Variants in PMP2 observed in about 807,000 individuals in gnomAD.
PMP2 encodes myelin P2 protein.
A neutral mutation model predicts 15.9 loss-of-function variants in PMP2; 11 were observed. That is an observed-to-expected ratio of 0.69 (90% CI 0.44 to 1.14). The LOEUF is 1.14. Among genes scored for constraint, PMP2 ranks in the 50% most tolerant of loss-of-function variants. The pLI is 0.00. For synonymous variants in PMP2, 55 were observed against 54.1 expected, an observed-to-expected ratio of 1.02 and a Z score of -0.07; for missense variants, 151 against 154.0, an observed-to-expected ratio of 0.98 and a Z score of 0.10.
intron 3 of PMP2, among the ~76,000 whole-genome samples, chr8:81,444,116 T>A (rs1807402435): frequency 6.6e-6 from 1 of 152,244 alleles, no homozygotes; most frequent in African/African-American, 2.4e-5. Flanking sequence ...TTGTGGGATA[T>A]CTGCAAATAG....
Position 81,444,802 on chromosome 8 carries a change from A to G in PMP2, c.246+15T>C. On this transcript the variant is annotated intron_variant, in intron 2 of 3. Coordinates refer to ENST00000256103, the MANE Select transcript of PMP2 (RefSeq NM_002677.5). ...GCCCACTGGGCCAACTTTGAAGAGA[A>G]ACATTAAAGATTACCTTGGTCTTTC... 1 of 1,610,834 alleles carries G rather than the reference A, an allele frequency of 6.2e-7. No homozygotes were observed.
intron 1 of PMP2, among the ~76,000 whole-genome samples, chr8:81,445,983 A>T (rs1395597553): frequency 6.6e-6 from 1 of 151,646 alleles, no homozygotes; most frequent in Non-Finnish European, 1.5e-5. Flanking sequence ...ACTATAAAAT[A>T]TATGGAAAAG....
At position 81,444,655 on chromosome 8, in the gene PMP2, G is replaced by A. The variant is rs1352313476; in HGVS notation, c.247-54C>T. On this transcript the variant is annotated intron_variant, in intron 2 of 3. Coordinates refer to ENST00000256103, the MANE Select transcript of PMP2 (RefSeq NM_002677.5). ...TGCCTGAAATTTGTTGATCAAAGAA[G>A]CAGTTCTTTCAGTATGGAACCATTT... 22 of 1,496,644 alleles carry A rather than the reference G, an allele frequency of 1.5e-5. No homozygotes were observed. In the East Asian group the frequency reaches 4.7e-4, roughly 32 times the overall value. 92.7% of individuals were successfully genotyped at this position (1,496,644 alleles called of 1,614,324 possible). A position where few individuals can be genotyped will look rare whatever the true frequency, so the allele number is the denominator to read the frequency against.
At chr8:81,444,301 T>C (rs190878947) in intron 3 of PMP2, among the ~76,000 whole-genome samples, 199 bp downstream of exon 3, 18 of 152,358 alleles carry the variant, frequency 1.2e-4, no homozygotes, top group Admixed American at 1.0e-3. Context: ...CAAATGGCTT[T>C]TTTTATTTCT....
chr8:81,443,507 T>C lies in PMP2; in HGVS notation c.349-59A>G. The C allele has an allele frequency of 1.0e-5, 11 of 1,076,094 alleles. No homozygotes were observed. The South Asian group carries it at 1.7e-4, about 16-fold the overall frequency. 66.7% of individuals were successfully genotyped at this position (1,076,094 alleles called of 1,614,324 possible). A position where few individuals can be genotyped will look rare whatever the true frequency, so the allele number is the denominator to read the frequency against. On this transcript the variant is annotated intron_variant, in intron 3 of 3. Transcript: ENST00000256103. The stretch of plus-strand genomic sequence containing the variant: ...AGTTCAAACCAGAGAACAGAAAATT[T>C]GTAATAAAAATAGAAATTCAAAATA...
At chr8:81,446,159 T>G (rs1007706749) in intron 1 of PMP2, among the ~76,000 whole-genome samples, 12 of 152,246 alleles carry the variant, frequency 7.9e-5, no homozygotes, top group Admixed American at 2.6e-4. Context: ...CTTCAAATTC[T>G]GATTAATCTT....
chr8:81,441,615 C>T lies in PMP2; in HGVS notation c.*1783G>A, dbSNP rs926810685. 1 of 151,930 alleles carries T rather than the reference C, an allele frequency of 6.6e-6. No homozygotes were observed. Among genetic ancestry groups the T allele is most frequent in the Non-Finnish European group, 1.5e-5 (1 of 67,948 alleles). The allele number at this position is 151,930 out of a possible 1,614,324, so 9.4% of individuals were successfully genotyped here. ...ATCTACCTATCTATCGATTATCTAT[C>T]ATTATATCAGTATGGATTCATGGAT... On this transcript the variant is annotated 3_prime_UTR_variant, in exon 4 of 4. Transcript: ENST00000256103.
chr8:81,445,472 C>A (rs1807432947), intron 1 of PMP2, among the ~76,000 whole-genome samples: 2 of 152,162 alleles, frequency 1.3e-5, no homozygotes, highest in South Asian at 4.1e-4. Context: ...ATCTGCCCTC[C>A]TCGGCCTTCC....
In PMP2 at chr8:81,445,518, C is replaced by T. The variant is rs192014510; in HGVS notation, c.74-529G>A. On this transcript the variant is annotated intron_variant, in intron 1 of 3. Coordinates refer to ENST00000256103, the MANE Select transcript of PMP2 (RefSeq NM_002677.5). ...GATTACAGGCGTGAGCCACCGCGCCCGGCCAATGTCTGCAGATTTTCAAGA... is the reference window on the plus strand; with the variant it reads ...GATTACAGGCGTGAGCCACCGCGCCTGGCCAATGTCTGCAGATTTTCAAGA... Among the ~76,000 whole-genome samples the T allele has an allele frequency of 6.1e-4, 93 of 152,224 alleles. 2 individuals carry two copies. Among genetic ancestry groups the T allele is most frequent in the African/African-American group, 8.2e-4 (34 of 41,546 alleles).
chr8:81,443,533 A>G, intron 3 of PMP2, 85 bp from the exon 4 acceptor site: 1 of 781,404 alleles, frequency 1.3e-6, no homozygotes, highest in Non-Finnish European at 2.1e-6. Flanking sequence ...ATTCAAAATA[A>G]ACTCATAAGA....
chr8:81,441,292 G>A lies in PMP2; in HGVS notation c.*2106C>T, dbSNP rs992721371. On this transcript the variant is annotated 3_prime_UTR_variant, in exon 4 of 4. Coordinates refer to ENST00000256103, the MANE Select transcript of PMP2 (RefSeq NM_002677.5). Reference sequence around the variant, plus strand: ...TTGCATGGTTACTATTCTTTCCCCAGAAACTAACAACAATCTGTGAGGAGA... The same window carrying A: ...TTGCATGGTTACTATTCTTTCCCCAAAAACTAACAACAATCTGTGAGGAGA... 2.0e-5 allele frequency: 3 copies of A among 151,944 alleles called. No homozygotes were observed. The highest frequency in any genetic ancestry group is 2.9e-5 in the Non-Finnish European group (2 of 67,960). The allele number at this position is 151,944 out of a possible 1,614,324, so 9.4% of individuals were successfully genotyped here.
intron 3 of PMP2, among the ~76,000 whole-genome samples, chr8:81,443,901 G>T (rs1807398744): frequency 1.3e-5 from 2 of 151,922 alleles, no homozygotes; most frequent in East Asian, 3.9e-4. Flanking sequence ...AGAAACATTC[G>T]GAAGAGTACA....
At chr8:81,443,959 C>G (rs1807399723) in intron 3 of PMP2, among the ~76,000 whole-genome samples, 2 of 151,682 alleles carry the variant, frequency 1.3e-5, no homozygotes, top group South Asian at 4.2e-4. Flanking sequence ...AACATAAAGC[C>G]TTAACCCTAA....
At position 81,440,744 on chromosome 8, in the gene PMP2, G is replaced by C. The variant is rs1031133192; in HGVS notation, c.*2654C>G. 1 of 152,056 alleles carries C rather than the reference G, an allele frequency of 6.6e-6. No homozygotes were observed. The highest frequency in any genetic ancestry group is 1.5e-5 in the Non-Finnish European group (1 of 68,012). 9.4% of individuals were successfully genotyped at this position (152,056 alleles called of 1,614,324 possible). On this transcript the variant is annotated 3_prime_UTR_variant, in exon 4 of 4. Transcript: ENST00000256103. Reference sequence around the variant, plus strand: ...TGTTACCTTATTTGCCTTATCAATTGCTCTCTTTATGTATGTTTGTGTGTA... The same window carrying C: ...TGTTACCTTATTTGCCTTATCAATTCCTCTCTTTATGTATGTTTGTGTGTA...
intron 1 of PMP2, among the ~76,000 whole-genome samples, chr8:81,446,142 A>G (rs1336330834): frequency 1.3e-5 from 2 of 152,312 alleles, no homozygotes; most frequent in East Asian, 3.9e-4. Context: ...TATAAACTAT[A>G]TTCTTTCTTC....
intron 1 of PMP2, among the ~76,000 whole-genome samples, chr8:81,446,942 T>G (rs1301578091): frequency 6.6e-6 from 1 of 152,240 alleles, no homozygotes; most frequent in Non-Finnish European, 1.5e-5. Flanking sequence ...ATTCAATTCC[T>G]TATTTTATGA....
At chr8:81,445,515 G>A (rs1030427605) in intron 1 of PMP2, among the ~76,000 whole-genome samples, 2 of 152,152 alleles carry the variant, frequency 1.3e-5, no homozygotes, top group African/African-American at 2.4e-5. Context: ...GAGCCACCGC[G>A]CCCGGCCAAT....
At chr8:81,444,415 A>G (rs1384582619) in intron 3 of PMP2, 85 bp downstream of exon 3, 30 of 835,038 alleles carry the variant, frequency 3.6e-5, no homozygotes, top group Non-Finnish European at 4.3e-5. Flanking sequence ...TTCATATTCC[A>G]AAGAACAAAG....
intron 1 of PMP2, among the ~76,000 whole-genome samples, chr8:81,445,264 G>A (rs1457603778): frequency 1.9e-4 from 28 of 149,252 alleles, no homozygotes; most frequent in Admixed American, 1.7e-3. Flanking sequence ...TCGCTCTGTC[G>A]TCCTGGTTGG....
Sources: allele counts gnomAD v4.1 joint callset (sites outside exome capture counted in the v4.1 genomes callset), GRCh38; gene constraint gnomAD v4.1.1; transcripts MANE v1.5; gene names NCBI Gene and HGNC (gene_info 2026-07-23, HGNC 2026-07-21).